CFAP161: variants seen among roughly 807,000 people sequenced by gnomAD.
CFAP161 encodes the protein cilia- and flagella-associated protein 161.
CFAP161 carries 25 observed loss-of-function variants against 29.0 expected under a neutral mutation model. The observed-to-expected ratio is 0.86, with a 90% confidence interval of 0.63 to 1.20. The LOEUF (loss-of-function observed/expected upper bound fraction) is 1.20. CFAP161 is among the 50% of genes most tolerant of loss of function. CFAP161 has a pLI of 0.00. For synonymous variants in CFAP161, 116 were observed against 137.4 expected (o/e 0.84, Z 1.09); for missense variants, 367 against 371.9 (o/e 0.99, Z 0.11).
intron 1 of CFAP161, among the ~76,000 whole-genome samples, chr15:81,099,683 T>C (rs1260842394): frequency 1.3e-5 from 2 of 152,140 alleles, no homozygotes; most frequent in African/African-American, 2.4e-5. Context: ...AGATGAAGCA[T>C]CCTTTTACTA....
intron 1 of CFAP161, among the ~76,000 whole-genome samples, chr15:81,114,098 C>T (rs1463571942): frequency 1.3e-5 from 2 of 152,086 alleles, no homozygotes; most frequent in Non-Finnish European, 2.9e-5. Flanking sequence ...CAAACAAAAA[C>T]AATGAGCCCT....
intron 2 of CFAP161, 55 bp from the exon 3 acceptor site, chr15:81,136,461 A>G: frequency 6.6e-7 from 1 of 1,517,914 alleles, no homozygotes; most frequent in Non-Finnish European, 9.1e-7. Context: ...TTGCCTTGGC[A>G]GTAACTGTTG....
intron 2 of CFAP161, 74 bp from the exon 3 acceptor site, chr15:81,136,442 G>C (rs1477857703): frequency 1.0e-5 from 14 of 1,357,238 alleles, no homozygotes; most frequent in Non-Finnish European, 5.2e-6. Flanking sequence ...AGTCCGAGAA[G>C]GAAGAAAATT....
intron 1 of CFAP161, among the ~76,000 whole-genome samples, chr15:81,108,404 C>T (rs933096459): frequency 3.9e-5 from 6 of 151,914 alleles, no homozygotes; most frequent in Admixed American, 2.6e-4. Context: ...ATGAGTGTTC[C>T]CACAGTTGTG....
Position 81,136,675 on chromosome 15 carries a change from T to A in CFAP161, c.319T>A (p.Leu107Ile). The A allele has an allele frequency of 6.2e-7, 1 of 1,614,134 alleles. No individual in the cohort carries two copies. Among genetic ancestry groups the A allele is most frequent in the Non-Finnish European group, 8.5e-7 (1 of 1,180,018 alleles). ...DEIQSHLKDE[L>I]EVPCGLSAVQ... ...AATTCAGTCCCATCTGAAAGACGAA[T>A]TAGAGGTACCCTGTGGCCTGAGCGC... Residue 107 changes from leucine (L) to isoleucine (I), a missense_variant, in exon 3 of 7, where the codon TTA becomes ATA. Transcript: ENST00000286732.
At chr15:81,127,665 G>C (rs376903941) in exon 2 of CFAP161, 2 of 152,078 alleles carry the variant, frequency 1.3e-5, no homozygotes, top group Non-Finnish European at 2.9e-5. Context: ...CTCAACCTGA[G>C]AGAAAACTCA....
intron 1 of CFAP161, among the ~76,000 whole-genome samples, chr15:81,102,397 G>A (rs1388540260): frequency 2.0e-5 from 3 of 152,206 alleles, no homozygotes; most frequent in African/African-American, 4.8e-5. Context: ...GCCCAGTGCT[G>A]TGGCTCACAC....
chr15:81,133,197 A>G (rs56188900), upstream of CFAP161, among the ~76,000 whole-genome samples: 10,509 of 68,136 alleles, frequency 0.15, 1,223 homozygotes, highest in Non-Finnish European at 0.17. Context: ...ATATATATAT[A>G]TATATATATA....
chr15:81,109,542 A>G (rs1009667290), intron 1 of CFAP161, among the ~76,000 whole-genome samples: 1 of 152,178 alleles, frequency 6.6e-6, no homozygotes, highest in Non-Finnish European at 1.5e-5. Context: ...TGTCTCTACA[A>G]AAAATTTAAA....
chr15:81,148,491 C>T lies in CFAP161; in HGVS notation c.864C>T (p.Asp288=), dbSNP rs903365376. The change falls in exon 7 of 7, where the codon GAC becomes GAT. Residue 288 remains aspartate (D), a synonymous_variant. Coordinates refer to ENST00000286732, the MANE Select transcript of CFAP161 (RefSeq NM_173528.4). ...MLDLPKPPTE[D]TRAMEQAMGL... Reference sequence around the variant, plus strand: ...ATCTGCCCAAACCACCCACAGAGGACACTCGAGCCATGGAGCAGGCCATGG... The same window carrying T: ...ATCTGCCCAAACCACCCACAGAGGATACTCGAGCCATGGAGCAGGCCATGG... 1 of 1,614,062 alleles carries T rather than the reference C, an allele frequency of 6.2e-7. No homozygotes were observed. Among genetic ancestry groups the T allele is most frequent in the African/African-American group, 1.3e-5 (1 of 74,926 alleles).
At chr15:81,106,292 T>C (rs534452333) in intron 1 of CFAP161, among the ~76,000 whole-genome samples, 40 of 152,324 alleles carry the variant, frequency 2.6e-4, no homozygotes, top group African/African-American at 8.9e-4. Context: ...ACAGGATTAT[T>C]TGCAGGAGTG....
intron 1 of CFAP161, among the ~76,000 whole-genome samples, chr15:81,099,967 A>G (rs928165768): frequency 1.3e-5 from 2 of 152,066 alleles, no homozygotes; most frequent in Non-Finnish European, 2.9e-5. Context: ...TTCATCACCT[A>G]TAAAATAGGA....
chr15:81,122,487 CTTTCTTTCT>C (rs1310457461), intron 1 of CFAP161, among the ~76,000 whole-genome samples: 1 of 126,916 alleles, frequency 7.9e-6, no homozygotes, highest in Admixed American at 8.4e-5. Flanking sequence ...TTTTTTCTTT[CTTTCTTTCT>C]TTTTTTTTTT....
chr15:81,133,278 A>G (rs376179275), upstream of CFAP161, among the ~76,000 whole-genome samples: 34 of 145,460 alleles, frequency 2.3e-4, no homozygotes, highest in East Asian at 6.9e-3. Flanking sequence ...AGGCTGGTCT[A>G]GAACTCCTGG....
rs149978036 is a variant in CFAP161, at chr15:81,128,381, T to C, written c.-7+657T>C. Reference sequence around the variant, plus strand: ...AAGTTTATGTAATAGTCTAAATCCTTTGTTGTCATTTCAGCAGTGTTATAG... The same window carrying C: ...AAGTTTATGTAATAGTCTAAATCCTCTGTTGTCATTTCAGCAGTGTTATAG... On this transcript the variant is annotated intron_variant, in intron 2 of 4. Transcript: ENST00000560091. 4.4e-3 allele frequency among the ~76,000 whole-genome samples: 674 copies of C among 152,304 alleles called. 2 individuals are homozygous for C. The highest frequency in any genetic ancestry group is 7.1e-3 in the Non-Finnish European group (480 of 68,022).
At chr15:81,133,313 C>T (rs1256016865), upstream of CFAP161, among the ~76,000 whole-genome samples, 4 of 150,242 alleles carry the variant, frequency 2.7e-5, no homozygotes, top group Admixed American at 2.7e-4. Context: ...CCTGCCTCGG[C>T]TTCCCAAAGT....
chr15:81,146,393 A>G (rs527753510), intron 5 of CFAP161, among the ~76,000 whole-genome samples: 1 of 152,344 alleles, frequency 6.6e-6, no homozygotes, highest in African/African-American at 2.4e-5. Context: ...ATTTCCAGAG[A>G]AAGCCATTGC....
intron 1 of CFAP161, among the ~76,000 whole-genome samples, chr15:81,108,533 G>A (rs1237442926): frequency 6.6e-6 from 1 of 152,006 alleles, no homozygotes. Flanking sequence ...ACCCACTCTG[G>A]GCTTTTATTT....
intron 1 of CFAP161, among the ~76,000 whole-genome samples, chr15:81,105,096 C>CCCTCCCTCCCTCCCTT (rs1266233152): frequency 1.5e-5 from 1 of 65,402 alleles, no homozygotes; most frequent in Non-Finnish European, 3.2e-5. Context: ...TCTTTTCCCT[C>CCCTCCCTCCCTCCCTT]CCTCCCTCCC....
Sources: gnomAD v4.1 joint callset for allele counts (sites outside exome capture counted in the v4.1 genomes callset) on GRCh38, gnomAD v4.1.1 for gene constraint, MANE v1.5 for transcripts, NCBI Gene and HGNC (gene_info 2026-07-23, HGNC 2026-07-21) for gene names.